The following CSMD2 variants were observed in gnomAD, a reference collection of about 807,000 sequenced individuals.
The protein encoded by CSMD2 is CUB and sushi domain-containing protein 2.
CSMD2 carries 130 observed loss-of-function variants against 398.5 expected under a neutral mutation model. The observed-to-expected ratio is 0.33, with a 90% CI of 0.28 to 0.38. The LOEUF is 0.38. Among genes scored for constraint, CSMD2 ranks in the 10% least tolerant of loss-of-function variants. The pLI is 1.00. For missense variants in CSMD2, 3,829 were observed against 4,764.9 expected, an observed-to-expected ratio of 0.80 and a Z score of 5.78; for synonymous variants, 1,828 against 1,908.5, an observed-to-expected ratio of 0.96 and a Z score of 1.10.
chr1:34,028,270 C>T (rs1319321025), intron 3 of CSMD2, among the ~76,000 whole-genome samples: 2 of 152,060 alleles, frequency 1.3e-5, no homozygotes, highest in Admixed American at 6.6e-5. Flanking sequence ...GAGCTGAGAT[C>T]GTGCCACTGG....
chr1:33,980,122 C>A (rs1646115443), intron 3 of CSMD2, among the ~76,000 whole-genome samples: 1 of 152,132 alleles, frequency 6.6e-6, no homozygotes, highest in African/African-American at 2.4e-5. Flanking sequence ...CAACTCTTAT[C>A]TGGGGCTGGG....
Position 33,707,687 on chromosome 1 carries a change from GCGCGCGCGCA to G in CSMD2, c.3576+1392_3576+1401del, listed in dbSNP as rs1275364568. On this transcript the variant is annotated intron_variant, in intron 22 of 70. Coordinates refer to ENST00000373381, the MANE Select transcript of CSMD2 (RefSeq NM_001281956.2). The stretch of plus-strand genomic sequence containing the variant: ...TTCAAACACGCACGCGTGCACACGC[GCGCGCGCGCA>G]CACACACACACACACACACACACAC... 1.9e-4 allele frequency among the ~76,000 whole-genome samples: 8 copies of G among 42,542 alleles called. 1 individual carries two copies. The highest frequency in any genetic ancestry group is 7.5e-4 in the South Asian group (1 of 1,328). The allele number at this position is 42,542 out of a possible 152,430, so 27.9% of individuals were successfully genotyped here. A position where few individuals can be genotyped will look rare whatever the true frequency, so the allele number is the denominator to read the frequency against.
chr1:33,647,691 A>G (rs1643530183), intron 28 of CSMD2, among the ~76,000 whole-genome samples: 1 of 152,234 alleles, frequency 6.6e-6, no homozygotes, highest in African/African-American at 2.4e-5. Context: ...AAATTGAAGC[A>G]AGGAAAAACA....
At chr1:34,110,617 A>G (rs1247914320) in intron 1 of CSMD2, among the ~76,000 whole-genome samples, 3 of 152,224 alleles carry the variant, frequency 2.0e-5, no homozygotes. Context: ...AAACCAACAC[A>G]GGAATAGAAA....
intron 48 of CSMD2, among the ~76,000 whole-genome samples, chr1:33,578,530 C>G (rs1638458687): frequency 6.6e-6 from 1 of 152,086 alleles, no homozygotes; most frequent in Admixed American, 6.5e-5. Context: ...GGGAGATGAG[C>G]TCATGCCATT....
chr1:34,062,171 G>A (rs1260364487), intron 2 of CSMD2, among the ~76,000 whole-genome samples: 1 of 152,178 alleles, frequency 6.6e-6, no homozygotes, highest in Non-Finnish European at 1.5e-5. Context: ...TTTTACCACA[G>A]CCCTTGACCT....
At chr1:33,689,372 T>C (rs1258687445) in intron 25 of CSMD2, among the ~76,000 whole-genome samples, 2 of 152,198 alleles carry the variant, frequency 1.3e-5, no homozygotes, top group African/African-American at 4.8e-5. Flanking sequence ...GATGTTATCT[T>C]TACCTTCTTT....
intron 3 of CSMD2, among the ~76,000 whole-genome samples, chr1:34,032,142 C>A (rs901556289): frequency 6.6e-6 from 1 of 152,090 alleles, no homozygotes; most frequent in Non-Finnish European, 1.5e-5. Context: ...AAGGAAAAAT[C>A]GATTGTTCTT....
At chr1:33,758,582 T>C (rs1359104957) in intron 13 of CSMD2, among the ~76,000 whole-genome samples, 1 of 149,038 alleles carries the variant, frequency 6.7e-6, no homozygotes, top group African/African-American at 2.4e-5. Flanking sequence ...AGGGAGTTTA[T>C]AGTTTAGTGA....
intron 9 of CSMD2, among the ~76,000 whole-genome samples, chr1:33,818,902 G>T (rs1392412776): frequency 2.0e-5 from 3 of 152,218 alleles, no homozygotes; most frequent in African/African-American, 2.4e-5. Flanking sequence ...GAGAGGCAAA[G>T]AATCTCTTTC....
At chr1:34,009,586 C>T (rs1212657799) in intron 3 of CSMD2, among the ~76,000 whole-genome samples, 1 of 151,946 alleles carries the variant, frequency 6.6e-6, no homozygotes, top group East Asian at 1.9e-4. Context: ...TGGGTCTCTC[C>T]CAAGACTCCC....
chr1:34,106,238 T>TG (rs1660514838), intron 1 of CSMD2, among the ~76,000 whole-genome samples: 1 of 152,178 alleles, frequency 6.6e-6, no homozygotes, highest in African/African-American at 2.4e-5. Context: ...GAAACCATGC[T>TG]GTTCAATCTT....
At chr1:33,950,548 A>G (rs1644976922) in intron 3 of CSMD2, among the ~76,000 whole-genome samples, 1 of 152,140 alleles carries the variant, frequency 6.6e-6, no homozygotes, top group African/African-American at 2.4e-5. Flanking sequence ...GGGACATGGC[A>G]TGTGGGTATT....
chr1:33,965,602 A>G (rs1313172098), intron 3 of CSMD2, among the ~76,000 whole-genome samples: 1 of 152,220 alleles, frequency 6.6e-6, no homozygotes, highest in African/African-American at 2.4e-5. Flanking sequence ...CTACATTGAT[A>G]TTAGACATCT....
intron 6 of CSMD2, among the ~76,000 whole-genome samples, chr1:33,846,448 C>T (rs1388444882): frequency 6.6e-6 from 1 of 152,218 alleles, no homozygotes; most frequent in Admixed American, 6.5e-5. Context: ...GGGCTCCAGA[C>T]TCAAAAGGCA....
intron 5 of CSMD2, among the ~76,000 whole-genome samples, chr1:33,906,374 T>C (rs1215271153): frequency 6.6e-6 from 1 of 152,196 alleles, no homozygotes; most frequent in Non-Finnish European, 1.5e-5. Flanking sequence ...TGCATTTTAA[T>C]TAAGCCATTC....
At chr1:33,604,358 A>G (rs755731814) in intron 42 of CSMD2, among the ~76,000 whole-genome samples, 13 of 152,270 alleles carry the variant, frequency 8.5e-5, no homozygotes, top group African/African-American at 1.2e-4. Flanking sequence ...TTCCAACACC[A>G]GAACGGCTCA....
chr1:34,022,259 A>G (rs573352783), intron 3 of CSMD2, among the ~76,000 whole-genome samples: 11 of 152,296 alleles, frequency 7.2e-5, no homozygotes, highest in African/African-American at 2.6e-4. Flanking sequence ...TATTAGGAGC[A>G]CTTGATGTGT....
chr1:33,757,444 C>T (rs1489769056), intron 13 of CSMD2, among the ~76,000 whole-genome samples: 1 of 152,112 alleles, frequency 6.6e-6, no homozygotes, highest in Non-Finnish European at 1.5e-5. Context: ...CTCAAGGGAA[C>T]CAAGGTTCTC....
Sources: allele counts gnomAD v4.1 joint callset (sites outside exome capture counted in the v4.1 genomes callset), GRCh38; gene constraint gnomAD v4.1.1; transcripts MANE v1.5; gene names NCBI Gene and HGNC (gene_info 2026-07-23, HGNC 2026-07-21).